Variants in DLEU7 observed in about 807,000 individuals in gnomAD.
DLEU7 encodes the protein deleted in lymphocytic leukemia 7.
In DLEU7, 17 loss-of-function variants were observed where a neutral mutation model predicts 16.0. The ratio of observed to expected loss-of-function variants is 1.06; its 90% CI spans 0.73 to 1.59. The LOEUF (loss-of-function observed/expected upper bound fraction) is 1.59. Among genes scored for constraint, DLEU7 ranks in the 40% most tolerant of loss-of-function variants. DLEU7 has a pLI of 0.00. For missense variants in DLEU7, 308 were observed against 314.9 expected (o/e 0.98, Z 0.17); for synonymous variants, 113 against 139.8 (o/e 0.81, Z 1.35).
At chr13:50,815,768 GAA>G (rs945039357) in intron 1 of DLEU7, among the ~76,000 whole-genome samples, 20 of 152,220 alleles carry the variant, frequency 1.3e-4, no homozygotes, top group South Asian at 4.1e-4. Context: ...GCAAGTCCCA[GAA>G]AACAGGAGCA....
intron 1 of DLEU7, among the ~76,000 whole-genome samples, chr13:50,762,299 A>G (rs909840227): frequency 6.6e-6 from 1 of 152,076 alleles, no homozygotes; most frequent in African/African-American, 2.4e-5. Flanking sequence ...TGACTATGCA[A>G]TGTTTGGGGA....
chr13:50,829,257 A>G (rs1053158033), intron 1 of DLEU7, among the ~76,000 whole-genome samples: 2 of 152,150 alleles, frequency 1.3e-5, no homozygotes, highest in Non-Finnish European at 2.9e-5. Flanking sequence ...AGGGAATGGG[A>G]AAGTAGGAGA....
rs910242813 is a variant in DLEU7 at position 50,723,379 on chromosome 13, C to T, written c.460-10139G>A. 9.2e-5 allele frequency: 14 copies of T among 151,950 alleles called. No homozygotes were observed. The East Asian group carries it at 1.7e-3, about 19-fold the overall frequency. The allele number at this position is 151,950 out of a possible 1,614,324, so 9.4% of individuals were successfully genotyped here. A position where few individuals can be genotyped will look rare whatever the true frequency, so the allele number is the denominator to read the frequency against. On this transcript the variant is annotated intron_variant, in intron 1 of 1. Coordinates refer to the DLEU7 transcript ENST00000400393. ...GACCTCTATATCTATTAGCTACCAT[C>T]GCATAATATTCTTCGGTAGTTTTAA...
chr13:50,826,227 T>C (rs1248813366), intron 1 of DLEU7, among the ~76,000 whole-genome samples: 2 of 152,044 alleles, frequency 1.3e-5, no homozygotes, highest in African/African-American at 4.8e-5. Flanking sequence ...CTACTGCTTA[T>C]CTCCTACTGT....
chr13:50,822,197 C>T (rs1347143831), downstream of DLEU7, among the ~76,000 whole-genome samples: 1 of 152,106 alleles, frequency 6.6e-6, no homozygotes, highest in East Asian at 1.9e-4. Flanking sequence ...ACCTTTCATT[C>T]TCAGATTCTG....
intron 1 of DLEU7, among the ~76,000 whole-genome samples, chr13:50,801,841 T>C (rs962282525): frequency 1.3e-5 from 2 of 152,154 alleles, no homozygotes; most frequent in African/African-American, 4.8e-5. Context: ...GACTATTCAA[T>C]TGCCAATAGA....
chr13:50,782,429 T>C (rs1275339265), intron 1 of DLEU7, among the ~76,000 whole-genome samples: 1 of 152,320 alleles, frequency 6.6e-6, no homozygotes, highest in East Asian at 1.9e-4. Flanking sequence ...TATTCTCAAA[T>C]AGCCATAACC....
At chr13:50,790,738 T>A (rs1251031723) in intron 1 of DLEU7, among the ~76,000 whole-genome samples, 1 of 152,040 alleles carries the variant, frequency 6.6e-6, no homozygotes, top group Non-Finnish European at 1.5e-5. Flanking sequence ...TGTCAATAAC[T>A]CCATTTTCCA....
chr13:50,779,076 G>A (rs1243131527), intron 1 of DLEU7, among the ~76,000 whole-genome samples: 2 of 152,158 alleles, frequency 1.3e-5, no homozygotes, highest in East Asian at 3.9e-4. Flanking sequence ...TCCTGGGATT[G>A]TAGATTTAGA....
chr13:50,775,089 T>A (rs113083165), intron 1 of DLEU7, among the ~76,000 whole-genome samples: 1 of 152,054 alleles, frequency 6.6e-6, no homozygotes. Flanking sequence ...CTCGTTATTC[T>A]GTAGGTCTCT....
At chr13:50,835,554 C>T (rs1366968075) in intron 1 of DLEU7, among the ~76,000 whole-genome samples, 1 of 152,202 alleles carries the variant, frequency 6.6e-6, no homozygotes, top group African/African-American at 2.4e-5. Flanking sequence ...CCCATCCCTC[C>T]TCCCTGCAGC....
intron 1 of DLEU7, among the ~76,000 whole-genome samples, chr13:50,784,491 G>T (rs964171505): frequency 6.6e-6 from 1 of 152,140 alleles, no homozygotes. Context: ...GGGAATTTTC[G>T]ATCACATTAT....
chr13:50,811,161 G>T (rs1413038131), intron 1 of DLEU7, among the ~76,000 whole-genome samples: 1 of 152,112 alleles, frequency 6.6e-6, no homozygotes, highest in Non-Finnish European at 1.5e-5. Flanking sequence ...GCAACTTATT[G>T]CTCTGACTTA....
chr13:50,751,393 T>C (rs997475970), intron 1 of DLEU7, among the ~76,000 whole-genome samples: 1 of 152,178 alleles, frequency 6.6e-6, no homozygotes, highest in African/African-American at 2.4e-5. Flanking sequence ...GTAGTTTTCT[T>C]TTTTGGTTAT....
chr13:50,774,619 A>G (rs1268197273), intron 1 of DLEU7, among the ~76,000 whole-genome samples: 1 of 152,086 alleles, frequency 6.6e-6, no homozygotes, highest in Non-Finnish European at 1.5e-5. Context: ...AGTTTCATGA[A>G]TGTGTGGGTT....
intron 1 of DLEU7, among the ~76,000 whole-genome samples, chr13:50,780,169 C>G (rs1212882033): frequency 1.3e-5 from 2 of 152,074 alleles, no homozygotes; most frequent in Non-Finnish European, 2.9e-5. Context: ...CATGGTGGAG[C>G]CCCTGAGCAG....
At chr13:50,788,922 C>T (rs766889000) in intron 1 of DLEU7, among the ~76,000 whole-genome samples, 8 of 152,098 alleles carry the variant, frequency 5.3e-5, no homozygotes, top group South Asian at 2.1e-4. Flanking sequence ...AAACCCAGAG[C>T]GGGAGCCTGG....
chr13:50,745,055 T>C (rs750654841), intron 1 of DLEU7, among the ~76,000 whole-genome samples: 4 of 152,128 alleles, frequency 2.6e-5, no homozygotes, highest in African/African-American at 4.8e-5. Flanking sequence ...GACCCAGTAA[T>C]TTCACTCCTA....
rs1877743401 is a variant in DLEU7 at position 50,843,378 on chromosome 13, ACCT to A, written c.266_268del (p.Glu89del). 2 of 1,401,150 alleles carry A rather than the reference ACCT, an allele frequency of 1.4e-6. No individual in the cohort carries two copies. The highest frequency in any genetic ancestry group is 1.9e-6 in the Non-Finnish European group (2 of 1,079,904). 86.8% of individuals were successfully genotyped at this position (1,401,150 alleles called of 1,614,324 possible). A position where few individuals can be genotyped will look rare whatever the true frequency, so the allele number is the denominator to read the frequency against. Reference sequence around the variant, plus strand: ...GGCGCCCCCCTCAGCGCCTCGCACTACCTCCTCCTCTGGGGAGTTCGCCCGCGC... The same window carrying A: ...GGCGCCCCCCTCAGCGCCTCGCACTACCTCCTCTGGGGAGTTCGCCCGCGC... On this transcript the variant is annotated inframe_deletion, in exon 1 of 2. Transcript: ENST00000504404. The surrounding 1 kb of genome is among the most constrained non-coding windows in gnomAD (Gnocchi z 5.7).
Sources: allele counts gnomAD v4.1 joint callset (sites outside exome capture counted in the v4.1 genomes callset), GRCh38; gene constraint gnomAD v4.1.1; non-coding constraint Gnocchi (gnomAD v3.1); transcripts MANE v1.5; gene names NCBI Gene and HGNC (gene_info 2026-07-23, HGNC 2026-07-21).